SCN8A: variants seen among roughly 807,000 people sequenced by gnomAD.
SCN8A encodes sodium channel protein type 8 subunit alpha.
Under a neutral mutation model 184.1 loss-of-function variants are expected in SCN8A, and 30 were observed. The ratio of observed to expected loss-of-function variants is 0.16; its 90% CI spans 0.12 to 0.22. The LOEUF (loss-of-function observed/expected upper bound fraction) is 0.22, where lower values mean the gene tolerates loss of function less well. SCN8A is among the 10% of genes least tolerant of loss of function. The pLI is 1.00. For missense variants in SCN8A, 1,057 were observed against 2,498.9 expected (o/e 0.42, Z 12.30); for synonymous variants, 852 against 907.0 (o/e 0.94, Z 1.09).
intron 14 of SCN8A, among the ~76,000 whole-genome samples, chr12:51,761,741 G>A (rs907143260): frequency 6.6e-6 from 1 of 151,834 alleles, no homozygotes; most frequent in Non-Finnish European, 1.5e-5. Flanking sequence ...TGCCTGCCTC[G>A]ACCACCAGAA....
chr12:51,690,843 T>A (rs1270226728), intron 6 of SCN8A, among the ~76,000 whole-genome samples: 3 of 152,206 alleles, frequency 2.0e-5, no homozygotes, highest in Non-Finnish European at 2.9e-5. Flanking sequence ...ATCAGTGCCC[T>A]ACCAAAGATG....
chr12:51,650,973 G>A (rs1446137581), intron 1 of SCN8A, among the ~76,000 whole-genome samples: 1 of 152,194 alleles, frequency 6.6e-6, no homozygotes, highest in Non-Finnish European at 1.5e-5. Flanking sequence ...TATCCCTTAT[G>A]GGAAATGAAG....
At position 51,751,462 on chromosome 12, in the gene SCN8A, A is replaced by C. The variant is rs1435372901; in HGVS notation, c.2239A>C (p.Asn747His). The change falls in exon 14 of 27, where the codon AAC (asparagine) becomes CAC (histidine). Residue 747 changes from asparagine to histidine, a missense_variant. Physicochemically the swap from Asn to His is moderately conservative, Grantham distance 68 (BLOSUM62 1). Transcript: ENST00000627620. ...CTGGATAAAACTGAAAGAGATTGTG[A>C]ACTTGATAGTTATGGACCCTTTTGT... ...PYWIKLKEIV[N>H]LIVMDPFVDL... 6.2e-7 allele frequency: 1 copy of C among 1,613,832 alleles called. No individual in the cohort carries two copies. Among genetic ancestry groups the C allele is most frequent in the African/African-American group, 1.3e-5 (1 of 74,918 alleles).
intron 14 of SCN8A, among the ~76,000 whole-genome samples, chr12:51,759,088 A>G (rs963960279): frequency 2.6e-5 from 4 of 152,118 alleles, no homozygotes; most frequent in African/African-American, 9.7e-5. Flanking sequence ...TCTGACAGTG[A>G]TACCATAAGA....
chr12:51,721,529 C>T lies in SCN8A; in HGVS notation c.1636-17C>T. On this transcript the variant is annotated splice_polypyrimidine_tract_variant and intron_variant, in intron 11 of 26. Transcript: ENST00000627620. ...TCATTTCCCCGTCCCTCTCTCTTTC[C>T]CTGTCTGCCCCTGCAGTCACTGCTC... The T allele has an allele frequency of 6.3e-7, 1 of 1,582,782 alleles. No homozygotes were observed. Among genetic ancestry groups the T allele is most frequent in the Non-Finnish European group, 8.6e-7 (1 of 1,163,430 alleles).
chr12:51,662,427 C>T (rs1001816276), intron 1 of SCN8A, among the ~76,000 whole-genome samples: 1 of 151,980 alleles, frequency 6.6e-6, no homozygotes, highest in Non-Finnish European at 1.5e-5. Context: ...TAATATATGC[C>T]CCTGGGTAAT....
intron 12 of SCN8A, among the ~76,000 whole-genome samples, chr12:51,739,693 T>C (rs947348547): frequency 2.6e-5 from 4 of 152,206 alleles, no homozygotes; most frequent in African/African-American, 9.6e-5. Flanking sequence ...GCTAGTTTTC[T>C]GTTCCAAGCA....
chr12:51,637,035 G>A lies in SCN8A; in HGVS notation c.-54-25729G>A, dbSNP rs148729011. 3.9e-5 allele frequency among the ~76,000 whole-genome samples: 6 copies of A among 152,030 alleles called. No homozygotes were observed. In the East Asian group the frequency reaches 9.6e-4, roughly 24 times the overall value. On this transcript the variant is annotated intron_variant, in intron 1 of 26. Coordinates refer to ENST00000627620, the MANE Select transcript of SCN8A (RefSeq NM_001330260.2). ...CTTTGTGTCTCTGTGTCACATTTTG[G>A]TAATTTTTGCAATATTTCAATTTTT...
Position 51,699,783 on chromosome 12 carries a change from A to G in SCN8A, c.920A>G (p.Asn307Ser), listed in dbSNP as rs1057519557. 6 of 1,612,336 alleles carry G rather than the reference A, an allele frequency of 3.7e-6. No homozygotes were observed. The highest frequency in any genetic ancestry group is 5.1e-6 in the Non-Finnish European group (6 of 1,179,002). ...TKGFDWEEYI[N>S]NKTNFYTVPG... ...GGCTTTGATTGGGAAGAGTATATCAACAATAAAAGTAGGTGGCCTCTTCTC... is the reference window on the plus strand; with the variant it reads ...GGCTTTGATTGGGAAGAGTATATCAGCAATAAAAGTAGGTGGCCTCTTCTC... The change falls in exon 7 of 27, where the codon AAC (asparagine) becomes AGC (serine). Residue 307 changes from asparagine (N) to serine (S), a missense_variant. Physicochemically the swap from Asn to Ser is conservative, Grantham distance 46 (BLOSUM62 1). Coordinates refer to ENST00000627620, the MANE Select transcript of SCN8A (RefSeq NM_001330260.2).
At chr12:51,715,535 G>A (rs1346892047) in intron 11 of SCN8A, among the ~76,000 whole-genome samples, 1 of 151,562 alleles carries the variant, frequency 6.6e-6, no homozygotes, top group Non-Finnish European at 1.5e-5. Context: ...TTGGGAGGCT[G>A]AGGTGGGCAG....
intron 14 of SCN8A, among the ~76,000 whole-genome samples, chr12:51,761,471 AT>A (rs1162818067): frequency 1.3e-5 from 2 of 148,886 alleles, no homozygotes; most frequent in African/African-American, 5.0e-5. Context: ...ATTTATTATT[AT>A]TTATTTATTA....
intron 14 of SCN8A, among the ~76,000 whole-genome samples, chr12:51,758,106 G>A (rs916600531): frequency 1.3e-5 from 2 of 152,180 alleles, no homozygotes; most frequent in Non-Finnish European, 2.9e-5. Context: ...GAACACGGCT[G>A]TGAATAGCCA....
At chr12:51,675,576 A>G (rs1395041201) in intron 2 of SCN8A, among the ~76,000 whole-genome samples, 1 of 152,188 alleles carries the variant, frequency 6.6e-6, no homozygotes, top group Non-Finnish European at 1.5e-5. Flanking sequence ...TAGAACTAGA[A>G]GCCGGGAGAT....
intron 26 of SCN8A, among the ~76,000 whole-genome samples, chr12:51,801,464 A>G (rs899870323): frequency 6.6e-6 from 1 of 152,216 alleles, no homozygotes; most frequent in East Asian, 1.9e-4. Flanking sequence ...CCACTCTAGC[A>G]TTCCAATCTC....
chr12:51,656,936 A>G (rs1213813258), intron 1 of SCN8A, among the ~76,000 whole-genome samples: 6 of 152,166 alleles, frequency 3.9e-5, no homozygotes, highest in African/African-American at 1.2e-4. Flanking sequence ...ACAAAATGCA[A>G]AATAGTTCAG....
chr12:51,707,231 C>T (rs1216784096), intron 11 of SCN8A, among the ~76,000 whole-genome samples: 1 of 151,908 alleles, frequency 6.6e-6, no homozygotes, highest in East Asian at 1.9e-4. Flanking sequence ...TTATATACCC[C>T]ATAATGAAAT....
chr12:51,719,872 C>T lies in SCN8A; in HGVS notation c.1636-1674C>T, dbSNP rs1279234933. Among the ~76,000 whole-genome samples the T allele has an allele frequency of 3.3e-3, 456 of 136,156 alleles. 2 individuals carry two copies. Among genetic ancestry groups the T allele is most frequent in the African/African-American group, 0.012 (441 of 37,446 alleles). 89.3% of individuals were successfully genotyped at this position (136,156 alleles called of 152,430 possible). A position where few individuals can be genotyped will look rare whatever the true frequency, so the allele number is the denominator to read the frequency against. On this transcript the variant is annotated intron_variant, in intron 11 of 26. Coordinates refer to ENST00000627620, the MANE Select transcript of SCN8A (RefSeq NM_001330260.2). The stretch of plus-strand genomic sequence containing the variant: ...CGGGCGGATCACGAGGTCAGGAGAT[C>T]GAGACCATCCTGGCTAACACGGTGA...
intron 25 of SCN8A, among the ~76,000 whole-genome samples, chr12:51,791,757 T>G (rs1938258685): frequency 6.6e-6 from 1 of 152,188 alleles, no homozygotes; most frequent in African/African-American, 2.4e-5. Flanking sequence ...TGTGTACCTG[T>G]GGTCCTCACT....
intron 14 of SCN8A, among the ~76,000 whole-genome samples, chr12:51,761,448 T>C (rs1281521124): frequency 6.7e-6 from 1 of 149,642 alleles, no homozygotes; most frequent in Non-Finnish European, 1.5e-5. Flanking sequence ...ATTCACTATT[T>C]ATTTATTTAT....
Sources: allele counts gnomAD v4.1 joint callset (sites outside exome capture counted in the v4.1 genomes callset), GRCh38; gene constraint gnomAD v4.1.1; transcripts MANE v1.5; gene names NCBI Gene and HGNC (gene_info 2026-07-23, HGNC 2026-07-21).